Variants in GALNT1 observed in about 807,000 individuals in gnomAD.
GALNT1 encodes polypeptide N-acetylgalactosaminyltransferase 1.
Under a neutral mutation model 65.7 loss-of-function variants are expected in GALNT1, and 17 were observed. That is an observed-to-expected ratio of 0.26 (90% CI 0.18 to 0.39). The LOEUF (loss-of-function observed/expected upper bound fraction) is 0.39. Ranked by LOEUF, GALNT1 falls within the 10% of genes least tolerant of loss-of-function variation. The probability of loss-of-function intolerance (pLI) is 1.00; values close to 1 mark genes in which losing one functional copy is unlikely to be tolerated. For synonymous variants in GALNT1, 210 were observed against 219.7 expected (o/e 0.96, Z 0.39); for missense variants, 460 against 672.8 (o/e 0.68, Z 3.50).
At chr18:35,681,838 G>A (rs2047791504) in intron 4 of GALNT1, among the ~76,000 whole-genome samples, 1 of 152,090 alleles carries the variant, frequency 6.6e-6, no homozygotes, top group Admixed American at 6.6e-5. Flanking sequence ...GCAGACCTGG[G>A]TTTGAATCTT....
intron 1 of GALNT1, among the ~76,000 whole-genome samples, chr18:35,628,511 C>G (rs1162093285): frequency 1.3e-5 from 2 of 152,216 alleles, no homozygotes; most frequent in Non-Finnish European, 2.9e-5. Context: ...AGGGTCCTGA[C>G]TGTTAGAAGG....
chr18:35,586,794 G>T (rs763376140), intron 1 of GALNT1, among the ~76,000 whole-genome samples: 34 of 152,036 alleles, frequency 2.2e-4, no homozygotes, highest in Non-Finnish European at 4.4e-4. Flanking sequence ...TTTTTCCCCC[G>T]TTATTTTAGC....
chr18:35,701,511 T>A (rs953993314), intron 9 of GALNT1, among the ~76,000 whole-genome samples: 22 of 152,168 alleles, frequency 1.4e-4, no homozygotes, highest in Admixed American at 1.3e-4. Flanking sequence ...ACAACCTATT[T>A]ATGAGGGAAT....
At chr18:35,648,038 G>A (rs1015367526) in intron 1 of GALNT1, among the ~76,000 whole-genome samples, 7 of 146,910 alleles carry the variant, frequency 4.8e-5, no homozygotes, top group African/African-American at 1.3e-4. Flanking sequence ...AGAAGAAGAA[G>A]AAGAAGAAGA....
intron 2 of GALNT1, 100 bp downstream of exon 2, chr18:35,654,901 G>A: frequency 1.1e-6 from 1 of 913,866 alleles, no homozygotes; most frequent in Admixed American, 3.5e-5. Flanking sequence ...TAGATTAACT[G>A]TAGTCTGTGA....
At chr18:35,679,384 G>A (rs1392283364) in intron 4 of GALNT1, among the ~76,000 whole-genome samples, 1 of 152,148 alleles carries the variant, frequency 6.6e-6, no homozygotes, top group Non-Finnish European at 1.5e-5. Context: ...AGGCTGTGTA[G>A]AATAATAAGT....
chr18:35,641,199 C>T (rs2047157151), intron 1 of GALNT1, among the ~76,000 whole-genome samples: 2 of 152,158 alleles, frequency 1.3e-5, no homozygotes, highest in South Asian at 4.1e-4. Flanking sequence ...AATCCCAGCA[C>T]TTTGGGAGGC....
At chr18:35,602,126 A>G (rs1403813379) in intron 1 of GALNT1, among the ~76,000 whole-genome samples, 4 of 152,020 alleles carry the variant, frequency 2.6e-5, no homozygotes, top group Non-Finnish European at 4.4e-5. Flanking sequence ...TCTGGAGGAA[A>G]GCTTTGCTGG....
chr18:35,680,250 A>G (rs1364763660), intron 4 of GALNT1, among the ~76,000 whole-genome samples: 2 of 152,064 alleles, frequency 1.3e-5, no homozygotes, highest in Non-Finnish European at 2.9e-5. Context: ...TATCTCCACC[A>G]TCTCCCCAGC....
At chr18:35,606,167 G>C (rs73946644) in intron 1 of GALNT1, among the ~76,000 whole-genome samples, 2,414 of 152,300 alleles carry the variant, frequency 0.016, 31 homozygotes, top group African/African-American at 0.028. Context: ...CACCATTGTA[G>C]AAGGAAAGAG....
chr18:35,609,852 G>A (rs2046694969), intron 1 of GALNT1, among the ~76,000 whole-genome samples: 1 of 152,046 alleles, frequency 6.6e-6, no homozygotes, highest in African/African-American at 2.4e-5. Context: ...AATAATTAAT[G>A]TTTTTACTAT....
chr18:35,691,752 C>T lies in GALNT1; in HGVS notation c.1160-429C>T, dbSNP rs927205407. Among the ~76,000 whole-genome samples, 16 of 152,146 alleles carry T rather than the reference C, an allele frequency of 1.1e-4. 1 individual carries two copies. The highest frequency in any genetic ancestry group is 2.7e-4 in the African/African-American group (11 of 41,446). ...AACAGTTGTTCCATCAGCTATAAGTCGGCCTGACATTGTTACTAGTCCATC... is the reference window on the plus strand; with the variant it reads ...AACAGTTGTTCCATCAGCTATAAGTTGGCCTGACATTGTTACTAGTCCATC... On this transcript the variant is annotated intron_variant, in intron 8 of 11. Transcript: ENST00000269195.
chr18:35,630,695 A>G (rs1183062009), intron 1 of GALNT1, among the ~76,000 whole-genome samples: 1 of 152,228 alleles, frequency 6.6e-6, no homozygotes, highest in Non-Finnish European at 1.5e-5. Context: ...GCAAGAAATA[A>G]CTAAGATCAG....
At chr18:35,599,216 A>G (rs1326139299) in intron 1 of GALNT1, among the ~76,000 whole-genome samples, 1 of 151,814 alleles carries the variant, frequency 6.6e-6, no homozygotes, top group Non-Finnish European at 1.5e-5. Context: ...GAAGCTTTTT[A>G]GCTTGATGTG....
intron 2 of GALNT1, among the ~76,000 whole-genome samples, chr18:35,655,297 A>G (rs2047367165): frequency 6.6e-6 from 1 of 151,506 alleles, no homozygotes; most frequent in Non-Finnish European, 1.5e-5. Flanking sequence ...ACTTTTAGGG[A>G]GAACTTTTTT....
chr18:35,654,769 A>G lies in GALNT1; in HGVS notation c.107A>G (p.Glu36Gly), dbSNP rs769729231. The G allele has an allele frequency of 2.6e-6, 4 of 1,558,250 alleles. No individual in the cohort carries two copies. Among genetic ancestry groups the G allele is most frequent in the South Asian group, 2.4e-5 (2 of 82,238 alleles). The change falls in exon 2 of 12, where the codon GAA becomes GGA. Residue 36 changes from glutamate to glycine, a missense_variant. Transcript: ENST00000269195. ...LYFSECNKCD[E>G]KKERGLPAGD... ...TTCAGTGAATGCAACAAATGTGATG[A>G]AAAAAAGGAGAGAGGACTTCCTGCT...
intron 7 of GALNT1, among the ~76,000 whole-genome samples, chr18:35,690,326 C>T (rs1457737973): frequency 1.3e-5 from 2 of 151,970 alleles, no homozygotes; most frequent in Admixed American, 6.6e-5. Flanking sequence ...ATGTACAAGC[C>T]GTGACGCAGG....
chr18:35,685,217 T>TAC (rs148713538), intron 5 of GALNT1, among the ~76,000 whole-genome samples: 15 of 152,108 alleles, frequency 9.9e-5, no homozygotes, highest in Admixed American at 7.2e-4. Context: ...ACCAGCAATA[T>TAC]ACACACACAC....
chr18:35,689,317 T>TTTTA, intron 7 of GALNT1, 27 bp downstream of exon 7: 1 of 1,310,396 alleles, frequency 7.6e-7, no homozygotes, highest in Non-Finnish European at 1.1e-6. Context: ...AAATTTAATC[T>TTTTA]TTTATTTAAC....
Sources: allele counts gnomAD v4.1 joint callset (sites outside exome capture counted in the v4.1 genomes callset), GRCh38; gene constraint gnomAD v4.1.1; transcripts MANE v1.5; gene names NCBI Gene and HGNC (gene_info 2026-07-23, HGNC 2026-07-21).